The following ZBTB49 variants were observed in gnomAD, a reference collection of about 807,000 sequenced individuals.
ZBTB49 encodes the protein zinc finger and BTB domain-containing protein 49.
A neutral mutation model predicts 57.5 loss-of-function variants in ZBTB49; 43 were observed. That is an observed-to-expected ratio of 0.75 (90% CI 0.59 to 0.97). The LOEUF (loss-of-function observed/expected upper bound fraction) is 0.97, where lower values mean the gene tolerates loss of function less well. ZBTB49 is among the 50% of genes least tolerant of loss of function. The pLI, the probability that ZBTB49 is intolerant of heterozygous loss-of-function variation, is 0.00. For missense variants in ZBTB49, 938 were observed against 947.7 expected, an observed-to-expected ratio of 0.99 and a Z score of 0.13; for synonymous variants, 369 against 362.1, an observed-to-expected ratio of 1.02 and a Z score of -0.22.
At chr4:4,318,917 T>C (rs2980184) in intron 7 of ZBTB49, among the ~76,000 whole-genome samples, 70,800 of 137,408 alleles carry the variant, frequency 0.52, 17,902 homozygotes, top group East Asian at 0.81. Flanking sequence ...TTTTTTGAGA[T>C]GGGTTCTTTG....
intron 5 of ZBTB49, among the ~76,000 whole-genome samples, chr4:4,315,014 G>C (rs1212799692): frequency 1.3e-5 from 2 of 152,236 alleles, no homozygotes; most frequent in Admixed American, 1.3e-4. Context: ...ATAGGCGTAA[G>C]TCTCTGTTGT....
intron 1 of ZBTB49, among the ~76,000 whole-genome samples, chr4:4,295,111 T>C (rs577865942): frequency 1.3e-5 from 2 of 152,162 alleles, no homozygotes; most frequent in Non-Finnish European, 2.9e-5. Context: ...CTTCAGTTAA[T>C]GGATGTTGTA....
intron 1 of ZBTB49, among the ~76,000 whole-genome samples, chr4:4,294,514 G>A (rs767220343): frequency 2.0e-5 from 3 of 152,036 alleles, no homozygotes; most frequent in Non-Finnish European, 2.9e-5. Flanking sequence ...GCGTCACCAC[G>A]CCTGGCTAAT....
intron 4 of ZBTB49, among the ~76,000 whole-genome samples, chr4:4,309,299 T>C (rs1171395297): frequency 2.0e-5 from 3 of 152,186 alleles, no homozygotes; most frequent in Non-Finnish European, 4.4e-5. Context: ...ACTGTATGTG[T>C]CCAGATCTCT....
chr4:4,312,928 T>A (rs1454647593), intron 4 of ZBTB49, 113 bp from the exon 5 acceptor site: 12 of 1,191,976 alleles, frequency 1.0e-5, no homozygotes, highest in African/African-American at 3.1e-5. Flanking sequence ...CATCTTCATC[T>A]GGAATTTGAA....
intron 1 of ZBTB49, among the ~76,000 whole-genome samples, chr4:4,290,587 TCCGGGCCTGGGAG>T (rs955644407): frequency 5.3e-5 from 8 of 152,182 alleles, no homozygotes; most frequent in African/African-American, 1.9e-4. Context: ...ACGGCCAGGT[TCCGGGCCTGGGAG>T]CCGGGCCTTC....
At chr4:4,300,782 TAA>T (rs11445834) in intron 2 of ZBTB49, among the ~76,000 whole-genome samples, 4 of 144,916 alleles carry the variant, frequency 2.8e-5, no homozygotes, top group Admixed American at 6.9e-5. Flanking sequence ...CTCTGTCTCT[TAA>T]AAAAAAAAAA....
At chr4:4,294,873 G>GTGTATA (rs35642224) in intron 1 of ZBTB49, among the ~76,000 whole-genome samples, 2 of 21,744 alleles carry the variant, frequency 9.2e-5, no homozygotes, top group Non-Finnish European at 1.7e-4. Flanking sequence ...GGAGGGTTTC[G>GTGTATA]TGTGTGTGTG....
Position 4,299,778 on chromosome 4 carries a change from TGTGTGTGTG to T in ZBTB49, c.-19-148_-19-140del, listed in dbSNP as rs1560106257. 1,279 of 518,676 alleles carry T rather than the reference TGTGTGTGTG, an allele frequency of 2.5e-3. 14 individuals carry two copies. Among genetic ancestry groups the T allele is most frequent in the African/African-American group, 0.024 (1,152 of 48,256 alleles). 32.1% of individuals were successfully genotyped at this position (518,676 alleles called of 1,614,324 possible). A position where few individuals can be genotyped will look rare whatever the true frequency, so the allele number is the denominator to read the frequency against. ...GGTCTAGATGCCTCAGAAACAGAGG[TGTGTGTGTG>T]TGTGTGTGTGTGTGTGTGTGTGTGA... is the stretch of plus-strand genomic sequence containing the variant. On this transcript the variant is annotated intron_variant, in intron 1 of 7. Transcript: ENST00000337872.
At chr4:4,310,363 C>A (rs540025188) in intron 4 of ZBTB49, among the ~76,000 whole-genome samples, 1 of 152,168 alleles carries the variant, frequency 6.6e-6, no homozygotes, top group Non-Finnish European at 1.5e-5. Flanking sequence ...CTCTCAGAGC[C>A]TCTGTTGACT....
intron 3 of ZBTB49, 61 bp from the exon 4 acceptor site, chr4:4,306,077 A>G: frequency 6.5e-7 from 1 of 1,533,304 alleles, no homozygotes; most frequent in Non-Finnish European, 9.0e-7. Context: ...TCATTTAAAC[A>G]AAAAATTATT....
intron 5 of ZBTB49, among the ~76,000 whole-genome samples, chr4:4,314,285 G>T (rs1432676852): frequency 6.6e-6 from 1 of 152,230 alleles, no homozygotes; most frequent in Non-Finnish European, 1.5e-5. Context: ...TCACTTCACT[G>T]TTGGCCCCTG....
intron 7 of ZBTB49, 92 bp from the exon 8 acceptor site, chr4:4,320,548 A>G (rs873923): frequency 0.47 from 710,035 of 1,498,268 alleles, 172,109 homozygotes; most frequent in East Asian, 0.79. Context: ...GCTGAGGAAG[A>G]AGGATTGTTT....
intron 1 of ZBTB49, among the ~76,000 whole-genome samples, chr4:4,293,673 A>C (rs924215649): frequency 2.0e-5 from 3 of 152,250 alleles, no homozygotes; most frequent in Non-Finnish European, 4.4e-5. Context: ...ATGTGGTGTC[A>C]ACTGGGATCA....
chr4:4,306,217 G>A (rs1412083329), intron 4 of ZBTB49, 33 bp downstream of exon 4: 1 of 1,573,456 alleles, frequency 6.4e-7, no homozygotes, highest in Non-Finnish European at 8.7e-7. Context: ...TTAATAATTG[G>A]AAACCTGCAA....
intron 7 of ZBTB49, among the ~76,000 whole-genome samples, chr4:4,318,295 T>TG (rs1479804996): frequency 6.6e-6 from 1 of 152,178 alleles, no homozygotes; most frequent in Non-Finnish European, 1.5e-5. Flanking sequence ...TATTGAGAAT[T>TG]TATCTTGAAG....
intron 1 of ZBTB49, among the ~76,000 whole-genome samples, chr4:4,296,553 T>C (rs1398301600): frequency 6.6e-6 from 1 of 152,192 alleles, no homozygotes; most frequent in Non-Finnish European, 1.5e-5. Flanking sequence ...TCTGCCAAGA[T>C]TGTGAGGCCT....
intron 1 of ZBTB49, among the ~76,000 whole-genome samples, chr4:4,297,716 G>A (rs1720276996): frequency 6.6e-6 from 1 of 151,636 alleles, no homozygotes; most frequent in African/African-American, 2.4e-5. Flanking sequence ...TAAGACTGCA[G>A]TGGGCTCTAA....
intron 3 of ZBTB49, among the ~76,000 whole-genome samples, chr4:4,303,758 C>CTGTG (rs1281680339): frequency 2.1e-5 from 2 of 93,556 alleles, no homozygotes; most frequent in Non-Finnish European, 4.8e-5. Context: ...CTCTCTCTCT[C>CTGTG]TCTGTGTGTG....
Sources: gnomAD v4.1 joint callset for allele counts (sites outside exome capture counted in the v4.1 genomes callset) on GRCh38, gnomAD v4.1.1 for gene constraint, MANE v1.5 for transcripts, NCBI Gene and HGNC (gene_info 2026-07-23, HGNC 2026-07-21) for gene names.